Variants in RGS13 observed in about 807,000 individuals in gnomAD.
RGS13 encodes the protein regulator of G-protein signalling 13.
In RGS13, 14 loss-of-function variants were observed where a neutral mutation model predicts 19.9. The ratio of observed to expected loss-of-function variants is 0.70; its 90% CI spans 0.46 to 1.10. The LOEUF is 1.10. Ranked by LOEUF, RGS13 falls within the 50% of genes least tolerant of loss-of-function variation. The pLI is 0.00. For missense variants in RGS13, 205 were observed against 187.1 expected, an observed-to-expected ratio of 1.10 and a Z score of -0.56; for synonymous variants, 60 against 56.8, an observed-to-expected ratio of 1.06 and a Z score of -0.25.
rs771362925 is a variant in RGS13 at position 192,658,375 on chromosome 1, C to T, written c.294+8C>T. 3 of 1,605,028 alleles carry T rather than the reference C, an allele frequency of 1.9e-6. No homozygotes were observed. The highest frequency in any genetic ancestry group is 2.5e-6 in the Non-Finnish European group (3 of 1,176,608). On this transcript the variant is annotated splice_region_variant and intron_variant, in intron 6 of 6. Coordinates refer to ENST00000391995, the MANE Select transcript of RGS13 (RefSeq NM_002927.5). ...CCACAGTCCCCTAGAGAGGTAACTA[C>T]CTGACAATGACAGGAATGGAAATCA...
chr1:192,647,987 T>G lies in RGS13; in HGVS notation c.127T>G (p.Tyr43Asp). The change falls in exon 5 of 7, where the codon TAT becomes GAT. Residue 43 changes from tyrosine to aspartate, a missense_variant and splice_region_variant. Physicochemically the swap from Tyr to Asp is radical, Grantham distance 160 (BLOSUM62 -3). Coordinates refer to ENST00000391995, the MANE Select transcript of RGS13 (RefSeq NM_002927.5). ...QSFENLMATK[Y>D]GPVVYAAYLK... is the part of the protein sequence containing the mutation. ...TTTTGAAAATTTAATGGCTACAAAA[T>G]GTGAGTATTGCGTATCTGTCATCTT... 1.3e-6 allele frequency: 2 copies of G among 1,586,958 alleles called. No individual in the cohort carries two copies. Among genetic ancestry groups the G allele is most frequent in the Non-Finnish European group, 1.7e-6 (2 of 1,161,682 alleles).
At chr1:192,640,866 C>A (rs796967075) in intron 3 of RGS13, among the ~76,000 whole-genome samples, 13 of 152,270 alleles carry the variant, frequency 8.5e-5, no homozygotes, top group African/African-American at 2.6e-4. Context: ...TCTAGCCCCT[C>A]CTTCTTCTTC....
intron 3 of RGS13, among the ~76,000 whole-genome samples, chr1:192,643,786 C>A (rs759539353): frequency 7.9e-5 from 12 of 151,892 alleles, no homozygotes; most frequent in South Asian, 2.1e-4. Flanking sequence ...CCCTTCTCTA[C>A]CAAAAATACA....
chr1:192,648,340 T>C (rs755043683), intron 5 of RGS13, among the ~76,000 whole-genome samples: 1 of 152,288 alleles, frequency 6.6e-6, no homozygotes, highest in Admixed American at 6.5e-5. Context: ...AGAATAAATT[T>C]GAGTCTTGCT....
chr1:192,659,222 A>G lies in RGS13; in HGVS notation c.295-116A>G, dbSNP rs1663562650. 2.5e-5 allele frequency: 16 copies of G among 627,478 alleles called. No individual in the cohort carries two copies. In the South Asian group the frequency reaches 5.2e-4, roughly 20 times the overall value. 38.9% of individuals were successfully genotyped at this position (627,478 alleles called of 1,614,324 possible). ...CTTAGATGCCTATAAAACTACAAAG[A>G]AAATTACCCTATTCCACTGAAAAGG... On this transcript the variant is annotated intron_variant, in intron 6 of 6. Coordinates refer to ENST00000391995, the MANE Select transcript of RGS13 (RefSeq NM_002927.5).
At chr1:192,658,067 TAGAG>T in intron 5 of RGS13, 130 bp from the exon 6 acceptor site, 1 of 629,574 alleles carries the variant, frequency 1.6e-6, no homozygotes, top group Non-Finnish European at 2.8e-6. Context: ...AATTGATATA[TAGAG>T]ATAGATATAA....
chr1:192,656,367 ATTTG>A (rs1221219034), intron 5 of RGS13, among the ~76,000 whole-genome samples: 1 of 146,302 alleles, frequency 6.8e-6, no homozygotes, highest in Non-Finnish European at 1.5e-5. Context: ...TTATTTGTTC[ATTTG>A]TTTGTTTGTT....
At chr1:192,657,742 C>G (rs1181438353) in intron 5 of RGS13, among the ~76,000 whole-genome samples, 1 of 152,134 alleles carries the variant, frequency 6.6e-6, no homozygotes, top group Non-Finnish European at 1.5e-5. Flanking sequence ...TAGAGTATCA[C>G]TCTTACATGG....
intron 1 of RGS13, among the ~76,000 whole-genome samples, chr1:192,636,872 T>C (rs1156996762): frequency 6.6e-6 from 1 of 151,984 alleles, no homozygotes; most frequent in Non-Finnish European, 1.5e-5. Context: ...GAAATTTGTG[T>C]GCTGTGGTCA....
chr1:192,649,895 T>C (rs998529864), intron 5 of RGS13, among the ~76,000 whole-genome samples: 9 of 152,310 alleles, frequency 5.9e-5, no homozygotes, highest in African/African-American at 2.2e-4. Flanking sequence ...AGTTTGTGTA[T>C]TGGGTTTTTT....
intron 1 of RGS13, among the ~76,000 whole-genome samples, chr1:192,637,078 A>T (rs186342518): frequency 1.5e-4 from 23 of 152,094 alleles, no homozygotes; most frequent in Admixed American, 1.4e-3. Flanking sequence ...ATTCTGGCAT[A>T]CTACTAATAC....
rs1183508939 is a variant in RGS13 at position 192,655,881 on chromosome 1, T to C, written c.128-2320T>C. ...TCGTGAAGACAGAAAAAAAGATAGA[T>C]GATAGACAGACAGATAGATAGACAA... On this transcript the variant is annotated intron_variant, in intron 5 of 6. Transcript: ENST00000391995. 4.6e-5 allele frequency among the ~76,000 whole-genome samples: 7 copies of C among 151,982 alleles called. No individual in the cohort carries two copies. The East Asian group carries it at 1.2e-3, about 25-fold the overall frequency.
intron 1 of RGS13, 36 bp from the exon 2 acceptor site, chr1:192,637,554 T>C (rs988131726): frequency 2.6e-5 from 4 of 151,996 alleles, no homozygotes; most frequent in South Asian, 2.1e-4. Flanking sequence ...ATAATCTTTT[T>C]GTTTTTGTTT....
chr1:192,652,520 T>C (rs771802975), intron 5 of RGS13, among the ~76,000 whole-genome samples: 4 of 152,056 alleles, frequency 2.6e-5, no homozygotes, highest in Non-Finnish European at 4.4e-5. Context: ...TTTTTGTCTT[T>C]TTTAACTTCT....
At chr1:192,639,711 G>A (rs564384936) in intron 3 of RGS13, among the ~76,000 whole-genome samples, 1 of 152,202 alleles carries the variant, frequency 6.6e-6, no homozygotes, top group South Asian at 2.1e-4. Context: ...GAGAATCTGA[G>A]GTTTAATTAA....
chr1:192,638,038 T>C (rs1264527107), intron 2 of RGS13, 126 bp from the exon 3 acceptor site: 1 of 152,088 alleles, frequency 6.6e-6, no homozygotes, highest in Non-Finnish European at 1.5e-5. Context: ...AAACTGTCGA[T>C]TGAGATGTAT....
chr1:192,640,575 A>G (rs922387290), intron 3 of RGS13, among the ~76,000 whole-genome samples: 4 of 152,072 alleles, frequency 2.6e-5, no homozygotes, highest in African/African-American at 7.2e-5. Context: ...GTGAATCTCT[A>G]TTTGCAATCG....
chr1:192,658,310 A>C lies in RGS13; in HGVS notation c.237A>C (p.Arg79Ser). The C allele has an allele frequency of 6.2e-7, 1 of 1,613,622 alleles. No homozygotes were observed. The highest frequency in any genetic ancestry group is 8.5e-7 in the Non-Finnish European group (1 of 1,179,738). Reference protein sequence around the residue: ...TYKKIASRWSRISRAKKLYKI... With the variant: ...TYKKIASRWSSISRAKKLYKI... ...AGAAAATTGCCTCACGGTGGAGCAGAATTTCTAGGGCAAAGAAGCTTTATA... is the reference window on the plus strand; with the variant it reads ...AGAAAATTGCCTCACGGTGGAGCAGCATTTCTAGGGCAAAGAAGCTTTATA... Residue 79 changes from arginine to serine, a missense_variant, in exon 6 of 7, where the codon AGA (arginine) becomes AGC (serine). Transcript: ENST00000391995.
intron 5 of RGS13, among the ~76,000 whole-genome samples, chr1:192,650,429 G>C (rs6663587): frequency 0.083 from 12,688 of 152,096 alleles, 1,082 homozygotes; most frequent in African/African-American, 0.21. Context: ...ATGTGCCAGA[G>C]AATAAAAATG....
Sources: allele counts gnomAD v4.1 joint callset (sites outside exome capture counted in the v4.1 genomes callset), GRCh38; gene constraint gnomAD v4.1.1; transcripts MANE v1.5; gene names NCBI Gene and HGNC (gene_info 2026-07-23, HGNC 2026-07-21).